Variants in SLIT2 observed in about 807,000 individuals in gnomAD.
SLIT2 encodes the protein slit guidance ligand 2.
A neutral mutation model predicts 185.7 loss-of-function variants in SLIT2; 41 were observed. The observed-to-expected ratio is 0.22, with a 90% CI of 0.17 to 0.29. SLIT2 has a LOEUF of 0.29. Among genes scored for constraint, SLIT2 ranks in the 10% least tolerant of loss-of-function variants. The pLI is 1.00. For synonymous variants in SLIT2, 693 were observed against 680.2 expected (o/e 1.02, Z -0.29); for missense variants, 1,571 against 1,909.0 (o/e 0.82, Z 3.30).
At chr4:20,495,292 CATT>C (rs1400834203) in intron 9 of SLIT2, among the ~76,000 whole-genome samples, 2 of 152,090 alleles carry the variant, frequency 1.3e-5, no homozygotes, top group Non-Finnish European at 2.9e-5. Context: ...AACCTGTCAT[CATT>C]AGAAAGTCAG....
intron 12 of SLIT2, among the ~76,000 whole-genome samples, chr4:20,522,070 C>G (rs1236613687): frequency 1.3e-5 from 2 of 152,082 alleles, no homozygotes; most frequent in African/African-American, 4.8e-5. Context: ...TTCTCCATTC[C>G]TATGGAGAAA....
chr4:20,489,277 C>G (rs1467512452), intron 8 of SLIT2, among the ~76,000 whole-genome samples: 8 of 151,598 alleles, frequency 5.3e-5, no homozygotes, highest in Non-Finnish European at 7.4e-5. Flanking sequence ...TTTTATTTTC[C>G]CATTAAGTAA....
intron 4 of SLIT2, among the ~76,000 whole-genome samples, chr4:20,364,658 C>T (rs991393350): frequency 6.6e-6 from 1 of 151,966 alleles, no homozygotes; most frequent in African/African-American, 2.4e-5. Context: ...TTCTCTCATT[C>T]ACATATATTT....
chr4:20,506,901 C>T (rs776924035), intron 9 of SLIT2, among the ~76,000 whole-genome samples: 6 of 151,932 alleles, frequency 3.9e-5, no homozygotes, highest in African/African-American at 9.7e-5. Context: ...AAAACCAGTT[C>T]GCTGCTGAGT....
intron 16 of SLIT2, among the ~76,000 whole-genome samples, chr4:20,531,595 G>C (rs1050733650): frequency 6.6e-6 from 1 of 152,102 alleles, no homozygotes; most frequent in African/African-American, 2.4e-5. Context: ...AAATGTTCTG[G>C]CATGTGGTTT....
chr4:20,517,109 C>T (rs575161671), intron 11 of SLIT2, among the ~76,000 whole-genome samples: 29 of 152,158 alleles, frequency 1.9e-4, no homozygotes, highest in Non-Finnish European at 4.0e-4. Flanking sequence ...GCAGGTCCTC[C>T]ACAATTTATA....
At chr4:20,314,083 C>T (rs1718367202) in intron 4 of SLIT2, among the ~76,000 whole-genome samples, 1 of 152,072 alleles carries the variant, frequency 6.6e-6, no homozygotes, top group African/African-American at 2.4e-5. Flanking sequence ...CATTTTTCTG[C>T]CAACCCCATA....
At chr4:20,276,716 G>A (rs902884261) in intron 4 of SLIT2, among the ~76,000 whole-genome samples, 1 of 152,196 alleles carries the variant, frequency 6.6e-6, no homozygotes, top group Admixed American at 6.5e-5. Flanking sequence ...CTCGAAGTAT[G>A]TGAATAGCTG....
chr4:20,563,364 A>C lies in SLIT2; in HGVS notation c.2726-3898A>C, dbSNP rs141899286. ...GCTAATTTGTTAATAATATGTTAAC[A>C]TTTCTTGGAACCAGTTAGCTTTAGA... On this transcript the variant is annotated intron_variant, in intron 26 of 36. Transcript: ENST00000504154. Among the ~76,000 whole-genome samples, 163 of 151,950 alleles carry C rather than the reference A, an allele frequency of 1.1e-3. 2 individuals carry two copies. Among genetic ancestry groups the C allele is most frequent in the African/African-American group, 3.9e-3 (161 of 41,446 alleles).
chr4:20,595,797 G>A lies in SLIT2; in HGVS notation c.3283G>A (p.Val1095Met), dbSNP rs1281872131. 1.9e-6 allele frequency: 3 copies of A among 1,614,110 alleles called. No individual in the cohort carries two copies. The highest frequency in any genetic ancestry group is 2.5e-6 in the Non-Finnish European group (3 of 1,179,966). ...AAACGGAGCCCACTGCACAGATGCAGTGAACGGCTATACGTGCATATGCCC... is the reference window on the plus strand; with the variant it reads ...AAACGGAGCCCACTGCACAGATGCAATGAACGGCTATACGTGCATATGCCC... ...CKNGAHCTDAVNGYTCICPEG... is the reference protein window; with the variant it reads ...CKNGAHCTDAMNGYTCICPEG... Residue 1095 changes from valine to methionine, a missense_variant, in exon 31 of 37, where the codon GTG (valine) becomes ATG (methionine). By Grantham distance (21) the Val-to-Met change is conservative. Coordinates refer to ENST00000504154, the MANE Select transcript of SLIT2 (RefSeq NM_004787.4).
chr4:20,589,351 C>A (rs1727319400), intron 29 of SLIT2, among the ~76,000 whole-genome samples: 1 of 152,152 alleles, frequency 6.6e-6, no homozygotes, highest in Admixed American at 6.5e-5. Context: ...CATTGAAAAG[C>A]ATTCAGATTT....
chr4:20,261,419 T>G (rs1040860051), intron 3 of SLIT2, among the ~76,000 whole-genome samples: 3 of 151,852 alleles, frequency 2.0e-5, no homozygotes, highest in Admixed American at 6.6e-5. Context: ...ATTATTAATT[T>G]GAGTTTTTTT....
chr4:20,365,620 A>G (rs1324050655), intron 4 of SLIT2, among the ~76,000 whole-genome samples: 1 of 151,836 alleles, frequency 6.6e-6, no homozygotes, highest in Non-Finnish European at 1.5e-5. Context: ...TTCACATCTC[A>G]TTGGGCAACA....
intron 4 of SLIT2, among the ~76,000 whole-genome samples, chr4:20,460,778 A>T (rs1316249826): frequency 6.6e-6 from 1 of 152,190 alleles, no homozygotes; most frequent in Admixed American, 6.5e-5. Context: ...AGCCAGGTAC[A>T]GAAAGACAAA....
At chr4:20,351,132 T>G (rs1452474749) in intron 4 of SLIT2, among the ~76,000 whole-genome samples, 2 of 151,516 alleles carry the variant, frequency 1.3e-5, no homozygotes, top group East Asian at 3.9e-4. Flanking sequence ...TACTGCAACC[T>G]CCGCCTCCTG....
At chr4:20,276,391 T>G (rs1714167945) in intron 4 of SLIT2, among the ~76,000 whole-genome samples, 1 of 152,146 alleles carries the variant, frequency 6.6e-6, no homozygotes, top group South Asian at 2.1e-4. Context: ...AAGAAACCTT[T>G]GGATGGAAGT....
chr4:20,442,373 A>G (rs1052996740), intron 4 of SLIT2, among the ~76,000 whole-genome samples: 1 of 152,028 alleles, frequency 6.6e-6, no homozygotes, highest in African/African-American at 2.4e-5. Flanking sequence ...CACACAAAAA[A>G]ATTAGCTAGG....
chr4:20,568,286 G>A (rs1456185908), intron 28 of SLIT2, among the ~76,000 whole-genome samples: 1 of 152,002 alleles, frequency 6.6e-6, no homozygotes, highest in East Asian at 1.9e-4. Flanking sequence ...TATTCATCTA[G>A]ACTTTACTCA....
At chr4:20,575,441 T>A (rs1181100159) in intron 29 of SLIT2, among the ~76,000 whole-genome samples, 1 of 152,222 alleles carries the variant, frequency 6.6e-6, no homozygotes, top group Non-Finnish European at 1.5e-5. Flanking sequence ...CTGCAGTTTA[T>A]GTGAACAACA....
Sources: allele counts gnomAD v4.1 joint callset (sites outside exome capture counted in the v4.1 genomes callset), GRCh38; gene constraint gnomAD v4.1.1; transcripts MANE v1.5; gene names NCBI Gene and HGNC (gene_info 2026-07-23, HGNC 2026-07-21).